The following HERC1 variants were observed in gnomAD, a reference collection of about 807,000 sequenced individuals.
HERC1 encodes probable E3 ubiquitin-protein ligase HERC1.
HERC1 carries 160 observed loss-of-function variants against 554.3 expected under a neutral mutation model. The observed-to-expected ratio is 0.29, with a 90% CI of 0.25 to 0.33. The LOEUF is 0.33. Ranked by LOEUF, HERC1 falls within the 10% of genes least tolerant of loss-of-function variation. The probability of loss-of-function intolerance (pLI) is 1.00; values close to 1 mark genes in which losing one functional copy is unlikely to be tolerated. For missense variants in HERC1, 4,919 were observed against 5,918.5 expected, an observed-to-expected ratio of 0.83 and a Z score of 5.54; for synonymous variants, 2,175 against 2,131.7, an observed-to-expected ratio of 1.02 and a Z score of -0.56.
intron 51 of HERC1, among the ~76,000 whole-genome samples, chr15:63,653,539 G>A (rs993424734): frequency 3.9e-5 from 6 of 152,152 alleles, no homozygotes; most frequent in Admixed American, 2.0e-4. Flanking sequence ...TTCCTTTTGC[G>A]TGTTGTCCTT....
At position 63,675,107 on chromosome 15, in the gene HERC1, A is replaced by T; in HGVS notation, c.7081T>A (p.Phe2361Ile). The T allele has an allele frequency of 6.3e-7, 1 of 1,583,154 alleles. No individual in the cohort carries two copies. Among genetic ancestry groups the T allele is most frequent in the Non-Finnish European group, 8.6e-7 (1 of 1,162,922 alleles). Residue 2361 changes from phenylalanine to isoleucine, a missense_variant, in exon 38 of 78, where the codon TTT (phenylalanine) becomes ATT (isoleucine). Physicochemically the swap from Phe to Ile is conservative, Grantham distance 21. Around this residue, in one of 11 missense-constraint regions of HERC1, gnomAD observed 1,963 missense variants for 2,228.6 expected, o/e 0.88. Coordinates refer to ENST00000443617, the MANE Select transcript of HERC1 (RefSeq NM_003922.4). ...AATGGAGTATCACTAGGCGACCAAA[A>T]AGTTGGGAAGCTTTAATAAAGATCA... ...EAEITISFPT[F>I]WSPSDTPLYN... is the part of the protein sequence containing the mutation.
intron 49 of HERC1, 37 bp from the exon 50 acceptor site, chr15:63,655,992 CA>C (rs2070011443): frequency 1.3e-6 from 2 of 1,593,492 alleles, no homozygotes; most frequent in Non-Finnish European, 1.7e-6. Flanking sequence ...TTAATTTTTA[CA>C]TGTAATTTTG....
intron 14 of HERC1, among the ~76,000 whole-genome samples, chr15:63,731,481 A>G (rs2074289593): frequency 6.6e-6 from 1 of 152,182 alleles, no homozygotes; most frequent in South Asian, 2.1e-4. Flanking sequence ...AACATTCCTT[A>G]TAACTTTGGG....
intron 12 of HERC1, among the ~76,000 whole-genome samples, chr15:63,744,563 C>T (rs2074983926): frequency 6.6e-6 from 1 of 152,118 alleles, no homozygotes; most frequent in Non-Finnish European, 1.5e-5. Context: ...AACCACAAGA[C>T]ACAGTCTTTT....
intron 42 of HERC1, 68 bp from the exon 43 acceptor site, chr15:63,664,662 A>G (rs896562972): frequency 1.4e-6 from 2 of 1,411,044 alleles, no homozygotes; most frequent in African/African-American, 1.4e-5. Context: ...CATAGGTGTA[A>G]GCTTACTTGT....
At chr15:63,621,035 T>C (rs1449100556) in intron 74 of HERC1, among the ~76,000 whole-genome samples, 1 of 152,226 alleles carries the variant, frequency 6.6e-6, no homozygotes, top group East Asian at 1.9e-4. Context: ...ATCCTGTCAT[T>C]ATGATATTAG....
At chr15:63,625,446 A>C (rs955110161) in intron 71 of HERC1, among the ~76,000 whole-genome samples, 1 of 152,114 alleles carries the variant, frequency 6.6e-6, no homozygotes, top group Non-Finnish European at 1.5e-5. Flanking sequence ...TATTCTCAGC[A>C]CTTTGGGAGG....
At chr15:63,686,312 A>T (rs1249979248) in intron 34 of HERC1, 47 bp downstream of exon 34, 5 of 1,407,282 alleles carry the variant, frequency 3.6e-6, no homozygotes, top group Non-Finnish European at 4.8e-6. Context: ...CTGGAAAAAA[A>T]AGGACTAAAA....
At chr15:63,623,995 A>C (rs945296496) in intron 72 of HERC1, 105 bp from the exon 73 acceptor site, 1 of 1,356,794 alleles carries the variant, frequency 7.4e-7, no homozygotes, top group African/African-American at 1.4e-5. Context: ...TTAACAGGCA[A>C]GCACTGTGCT....
intron 12 of HERC1, among the ~76,000 whole-genome samples, chr15:63,738,069 T>C (rs1001786187): frequency 2.6e-5 from 4 of 152,216 alleles, no homozygotes; most frequent in South Asian, 2.1e-4. Flanking sequence ...AACCATGTGA[T>C]TGAGGCCAAC....
At chr15:63,799,264 G>A (rs2076904732) in intron 1 of HERC1, among the ~76,000 whole-genome samples, 1 of 152,142 alleles carries the variant, frequency 6.6e-6, no homozygotes, top group Non-Finnish European at 1.5e-5. Flanking sequence ...ATTTTGGGAA[G>A]CTGAGGTAGA....
At chr15:63,646,813 AAAAC>A (rs555904683) in intron 55 of HERC1, among the ~76,000 whole-genome samples, 63 of 116,456 alleles carry the variant, frequency 5.4e-4, no homozygotes, top group African/African-American at 2.0e-3. Flanking sequence ...ATCTCAGGAA[AAAAC>A]AAACAAACAA....
chr15:63,817,283 A>C (rs2077523647), intron 1 of HERC1, among the ~76,000 whole-genome samples: 1 of 152,220 alleles, frequency 6.6e-6, no homozygotes, highest in Admixed American at 6.5e-5. Context: ...ATTTGATATT[A>C]AGAACTTGCT....
intron 12 of HERC1, among the ~76,000 whole-genome samples, chr15:63,735,471 C>T (rs2074462053): frequency 6.6e-6 from 1 of 150,938 alleles, no homozygotes. Context: ...GTGCAGCACA[C>T]CAACATGGCA....
At chr15:63,621,086 C>T (rs1461771531) in intron 74 of HERC1, among the ~76,000 whole-genome samples, 1 of 152,158 alleles carries the variant, frequency 6.6e-6, no homozygotes, top group Non-Finnish European at 1.5e-5. Context: ...TTCTTCCTAG[C>T]CTCGATGGTC....
At chr15:63,708,250 C>T (rs565218537) in intron 24 of HERC1, among the ~76,000 whole-genome samples, 35 of 152,208 alleles carry the variant, frequency 2.3e-4, no homozygotes, top group African/African-American at 7.9e-4. Context: ...GCCTCAGAAC[C>T]AGAAAAATCT....
At chr15:63,691,297 C>T (rs987251951) in intron 31 of HERC1, among the ~76,000 whole-genome samples, 3 of 151,792 alleles carry the variant, frequency 2.0e-5, no homozygotes, top group Admixed American at 6.6e-5. Context: ...GAAACCCTGC[C>T]TTTACTAAAA....
Position 63,729,586 on chromosome 15 carries a change from C to A in HERC1, c.2932G>T (p.Glu978Ter), listed in dbSNP as rs2074190533. 1.5e-5 allele frequency: 24 copies of A among 1,613,774 alleles called. No homozygotes were observed. Among genetic ancestry groups the A allele is most frequent in the Non-Finnish European group, 1.9e-5 (22 of 1,179,712 alleles). The change falls in exon 15 of 78, where the codon GAA becomes TAA. Residue 978 changes from glutamate (E) to a stop codon, truncating the protein, a stop_gained. Transcript: ENST00000443617. LOFTEE classifies it high-confidence loss of function. ...TGAAGATGAGCAGGCTGACTGTTTTCTGATGATGATGTTCCAAGTAGAAAT... is the reference window on the plus strand; with the variant it reads ...TGAAGATGAGCAGGCTGACTGTTTTATGATGATGATGTTCCAAGTAGAAAT... ...DKFLLGTSSS[E>*]NSQPAHLHEL...
Position 63,630,602 on chromosome 15 carries a change from C to T in HERC1, c.12830G>A (p.Arg4277His), listed in dbSNP as rs375910680. 4.3e-6 allele frequency: 7 copies of T among 1,612,556 alleles called. No homozygotes were observed. Among genetic ancestry groups the T allele is most frequent in the African/African-American group, 1.3e-5 (1 of 74,880 alleles). The change falls in exon 69 of 78, where the codon CGC becomes CAC. Residue 4277 changes from arginine to histidine, a missense_variant. Arg to His is a conservative substitution (Grantham distance 29). Transcript: ENST00000443617. ...RLIGLPEGRA[R>H]NHNRPQQIPV... ...GATTTGTTGCGGTCGATTGTGATTGCGAGCACGCCCCTCTGGCAAGCCTAT... is the reference window on the plus strand; with the variant it reads ...GATTTGTTGCGGTCGATTGTGATTGTGAGCACGCCCCTCTGGCAAGCCTAT...
Sources: gnomAD v4.1 joint callset for allele counts (sites outside exome capture counted in the v4.1 genomes callset) on GRCh38, gnomAD v4.1.1 for gene constraint, gnomAD v4.1.1 regional missense constraint, MANE v1.5 for transcripts, NCBI Gene and HGNC (gene_info 2026-07-23, HGNC 2026-07-21) for gene names.